JAK2: variants seen among roughly 807,000 people sequenced by gnomAD.
The protein encoded by JAK2 is tyrosine-protein kinase JAK2.
JAK2 carries 86 observed loss-of-function variants against 139.3 expected under a neutral mutation model. That is an observed-to-expected ratio of 0.62 (90% CI 0.52 to 0.74). JAK2 has a LOEUF of 0.74. JAK2 is among the 30% of genes least tolerant of loss of function. JAK2 has a pLI of 0.00. For missense variants in JAK2, 1,421 were observed against 1,360.3 expected (o/e 1.04, Z -0.70); for synonymous variants, 490 against 437.7 (o/e 1.12, Z -1.49).
chr9:5,103,221 CAAAAAAAAAAAAAAAAA>C (rs56691830), intron 22 of JAK2, among the ~76,000 whole-genome samples: 235 of 6,864 alleles, frequency 0.034, 4 homozygotes, highest in Non-Finnish European at 0.045. Flanking sequence ...AAAGGGAAAG[CAAAAAAAAAAAAAAAAA>C]AAAAAAAAAA....
At chr9:5,112,052 C>A (rs566300037) in intron 22 of JAK2, 1 of 408,166 alleles carries the variant, frequency 2.4e-6, no homozygotes, top group Admixed American at 2.7e-5. Flanking sequence ...CCAGCTACGA[C>A]GGGGGTCTCC....
intron 14 of JAK2, among the ~76,000 whole-genome samples, chr9:5,074,540 CAG>C (rs954085445): frequency 4.6e-5 from 7 of 152,170 alleles, no homozygotes; most frequent in South Asian, 2.1e-4. Context: ...GTGTCCCAAA[CAG>C]AGAGAATATA....
chr9:5,110,290 T>G (rs1013882964), intron 22 of JAK2: 3 of 152,122 alleles, frequency 2.0e-5, no homozygotes, highest in Admixed American at 2.0e-4. Context: ...ACCCAAACCT[T>G]TACATTATCT....
chr9:5,080,418 C>T (rs780703500), intron 17 of JAK2, 38 bp downstream of exon 17: 9 of 1,559,582 alleles, frequency 5.8e-6, no homozygotes, highest in Middle Eastern at 1.7e-4. Flanking sequence ...TACTCTATCT[C>T]TGAACTTTCA....
intron 2 of JAK2, among the ~76,000 whole-genome samples, chr9:5,010,004 T>C (rs1273590111): frequency 6.6e-6 from 1 of 152,206 alleles, no homozygotes; most frequent in Non-Finnish European, 1.5e-5. Context: ...AGCTCCAGGC[T>C]CAAACGATCC....
At chr9:5,063,048 G>A (rs567773689) in intron 8 of JAK2, among the ~76,000 whole-genome samples, 1 of 151,802 alleles carries the variant, frequency 6.6e-6, no homozygotes, top group South Asian at 2.1e-4. Context: ...TTGGCTATTT[G>A]TGTTAGCTAA....
At chr9:5,096,163 A>G (rs567777280) in intron 22 of JAK2, among the ~76,000 whole-genome samples, 1 of 152,292 alleles carries the variant, frequency 6.6e-6, no homozygotes, top group South Asian at 2.1e-4. Flanking sequence ...TACGAAAATA[A>G]AATGACAATT....
intron 8 of JAK2, among the ~76,000 whole-genome samples, chr9:5,057,262 T>C (rs1301439015): frequency 6.6e-6 from 1 of 152,138 alleles, no homozygotes; most frequent in African/African-American, 2.4e-5. Context: ...TACCAAATTA[T>C]TTATGGATAT....
chr9:5,034,159 G>T (rs937499801), intron 4 of JAK2, among the ~76,000 whole-genome samples: 1 of 152,120 alleles, frequency 6.6e-6, no homozygotes, highest in Non-Finnish European at 1.5e-5. Flanking sequence ...ATTACATAAT[G>T]GTAAAGGGAT....
In JAK2 at chr9:5,026,659, T is replaced by C. The variant is rs201868525; in HGVS notation, c.227-3124T>C. ...GAACATGGTATGAATGGTTATTCTGTGGAACTTCTAAAGACTTGTTTTGAG... is the reference window on the plus strand; with the variant it reads ...GAACATGGTATGAATGGTTATTCTGCGGAACTTCTAAAGACTTGTTTTGAG... On this transcript the variant is annotated intron_variant, in intron 3 of 24. Coordinates refer to ENST00000381652, the MANE Select transcript of JAK2 (RefSeq NM_004972.4). Among the ~76,000 whole-genome samples, 15 of 152,354 alleles carry C rather than the reference T, an allele frequency of 9.8e-5. No homozygotes were observed. In the East Asian group the frequency reaches 2.7e-3, roughly 27 times the overall value.
rs962768540 is a variant in JAK2 at position 5,111,293 on chromosome 9, C to CA, written c.3060-11709dup. 25 of 475,580 alleles carry CA rather than the reference C, an allele frequency of 5.3e-5. 1 individual carries two copies. Among genetic ancestry groups the CA allele is most frequent in the South Asian group, 4.0e-4 (22 of 55,636 alleles). 29.5% of individuals were successfully genotyped at this position (475,580 alleles called of 1,614,324 possible). A position where few individuals can be genotyped will look rare whatever the true frequency, so the allele number is the denominator to read the frequency against. ...TGACTCAGGCTGGCTTCCTGCCGGG[C>CA]AAGCTGGCCCTCAGCAGCCCCGGAC... On this transcript the variant is annotated intron_variant, in intron 22 of 24. Transcript: ENST00000381652.
At chr9:4,999,833 C>A (rs1436849436) in intron 2 of JAK2, among the ~76,000 whole-genome samples, 2 of 152,180 alleles carry the variant, frequency 1.3e-5, no homozygotes, top group East Asian at 3.9e-4. Flanking sequence ...TAATTTTTTC[C>A]CAATATTTAG....
chr9:5,068,963 A>T (rs1818757457), intron 10 of JAK2, 59 bp from the exon 11 acceptor site: 2 of 945,004 alleles, frequency 2.1e-6, no homozygotes, highest in African/African-American at 1.7e-5. Context: ...TTGTCAGAAT[A>T]ATCACTGTGA....
chr9:4,988,052 C>T (rs1425395232), intron 2 of JAK2, among the ~76,000 whole-genome samples: 2 of 152,194 alleles, frequency 1.3e-5, no homozygotes, highest in African/African-American at 4.8e-5. Flanking sequence ...CTTTGTGTCT[C>T]TGCTTAAACC....
At position 5,069,997 on chromosome 9, in the gene JAK2, C is replaced by A. The variant is rs779854534; in HGVS notation, c.1586C>A (p.Pro529His). 5 of 1,608,020 alleles carry A rather than the reference C, an allele frequency of 3.1e-6. No individual in the cohort carries two copies. The South Asian group carries it at 5.5e-5, about 18-fold the overall frequency. The change falls in exon 12 of 25, where the codon CCT (proline) becomes CAT (histidine). Residue 529 changes from proline to histidine, a missense_variant. By Grantham distance (77) the Pro-to-His change is moderately conservative. Transcript: ENST00000381652. ...CCAACCTCACCAACATTACAGAGGCCTACTCATATGAACCAAATGGTGTTT... is the reference window on the plus strand; with the variant it reads ...CCAACCTCACCAACATTACAGAGGCATACTCATATGAACCAAATGGTGTTT... ...DVPTSPTLQRPTHMNQMVFHK... is the reference protein window; with the variant it reads ...DVPTSPTLQRHTHMNQMVFHK...
At chr9:5,012,903 C>T (rs1055780063) in intron 2 of JAK2, among the ~76,000 whole-genome samples, 6 of 151,952 alleles carry the variant, frequency 3.9e-5, no homozygotes, top group Non-Finnish European at 7.4e-5. Flanking sequence ...GCAAAGTAGA[C>T]TTAGGGAAAA....
intron 2 of JAK2, among the ~76,000 whole-genome samples, chr9:5,013,337 T>C (rs1821825232): frequency 6.6e-6 from 1 of 152,350 alleles, no homozygotes; most frequent in Admixed American, 6.5e-5. Context: ...ACATAGTATA[T>C]CTACTTGGAC....
chr9:5,100,512 T>A (rs1821387497), intron 22 of JAK2: 1 of 152,234 alleles, frequency 6.6e-6, no homozygotes, highest in South Asian at 2.1e-4. Context: ...AGAAGTATTC[T>A]TCTTTGCTGG....
intron 22 of JAK2, chr9:5,098,529 G>T (rs1034141569): frequency 6.6e-6 from 1 of 152,074 alleles, no homozygotes; most frequent in Non-Finnish European, 1.5e-5. Flanking sequence ...AATTGAGACT[G>T]TTTGAACTAT....
Sources: allele counts gnomAD v4.1 joint callset (sites outside exome capture counted in the v4.1 genomes callset), GRCh38; gene constraint gnomAD v4.1.1; transcripts MANE v1.5; gene names NCBI Gene and HGNC (gene_info 2026-07-23, HGNC 2026-07-21).